The following RNF126 variants were observed in gnomAD, a reference collection of about 807,000 sequenced individuals.
RNF126 encodes ring finger protein 126, also known as E3 ubiquitin-protein ligase RNF126.
Under a neutral mutation model 41.9 loss-of-function variants are expected in RNF126, and 20 were observed. The ratio of observed to expected loss-of-function variants is 0.48; its 90% CI spans 0.34 to 0.69. RNF126 has a LOEUF of 0.69. Among genes scored for constraint, RNF126 ranks in the 30% least tolerant of loss-of-function variants. RNF126 has a pLI of 0.01. For missense variants in RNF126, 433 were observed against 460.6 expected (o/e 0.94, Z 0.55); for synonymous variants, 239 against 202.9 (o/e 1.18, Z -1.51).
At chr19:656,610 T>C (rs941800790) in intron 1 of RNF126, among the ~76,000 whole-genome samples, 5 of 151,944 alleles carry the variant, frequency 3.3e-5, no homozygotes, top group Non-Finnish European at 7.4e-5. Flanking sequence ...ATCATACCAC[T>C]GCACTCCAGC....
chr19:652,217 G>A lies in RNF126; in HGVS notation c.198+16C>T, dbSNP rs371379933. ...AGGCTGACACGATCGGGAAGCACGAGGGGCGGGCGACTCACCTCCAACGGT... is the reference window on the plus strand; with the variant it reads ...AGGCTGACACGATCGGGAAGCACGAAGGGCGGGCGACTCACCTCCAACGGT... On this transcript the variant is annotated intron_variant, in intron 3 of 8. Transcript: ENST00000292363. 2 of 1,516,196 alleles carry A rather than the reference G, an allele frequency of 1.3e-6. No homozygotes were observed. The highest frequency in any genetic ancestry group is 2.5e-5 in the East Asian group (1 of 40,340). 93.9% of individuals were successfully genotyped at this position (1,516,196 alleles called of 1,614,324 possible).
intron 1 of RNF126, among the ~76,000 whole-genome samples, chr19:655,480 C>T (rs762937715): frequency 4.6e-5 from 7 of 151,204 alleles, no homozygotes; most frequent in Non-Finnish European, 1.0e-4. Flanking sequence ...AGTGACACTC[C>T]ATCTCAAAAA....
chr19:649,084 G>A, intron 6 of RNF126, 109 bp from the exon 7 acceptor site: 1 of 505,026 alleles, frequency 2.0e-6, no homozygotes, highest in Non-Finnish European at 3.2e-6. Context: ...GTTTGTCCTG[G>A]GCCCTGGGCC....
At chr19:651,965 G>T in intron 3 of RNF126, 110 bp from the exon 4 acceptor site, 3 of 1,018,312 alleles carry the variant, frequency 2.9e-6, no homozygotes, top group South Asian at 1.6e-5. Flanking sequence ...GCTGGGTGCC[G>T]GGTGGGAGGG....
At chr19:656,637 G>C (rs754264696) in intron 1 of RNF126, among the ~76,000 whole-genome samples, 1 of 152,120 alleles carries the variant, frequency 6.6e-6, no homozygotes, top group Non-Finnish European at 1.5e-5. Context: ...CACAGAGTGA[G>C]ACCGTGTCAG....
At chr19:649,166 G>A (rs983455024) in intron 6 of RNF126, 191 bp from the exon 7 acceptor site, 13 of 353,274 alleles carry the variant, frequency 3.7e-5, no homozygotes, top group Non-Finnish European at 5.1e-5. Context: ...GTCCCCTGAC[G>A]GTGGAATGGG....
chr19:653,011 T>A (rs1007842400), intron 1 of RNF126, 127 bp from the exon 2 acceptor site: 1 of 884,614 alleles, frequency 1.1e-6, no homozygotes, highest in Non-Finnish European at 1.8e-6. Flanking sequence ...CAGGCCAGGG[T>A]GGCTCCCAAC....
rs1307377666 is a variant in RNF126, at chr19:648,814, CA to C, written c.670+67del. 4 of 945,888 alleles carry C rather than the reference CA, an allele frequency of 4.2e-6. No individual in the cohort carries two copies. In the East Asian group the frequency reaches 1.1e-4, roughly 25 times the overall value. The allele number at this position is 945,888 out of a possible 1,614,324, so 58.6% of individuals were successfully genotyped here. ...TGAAACCCTGTCTCTACTGAAAATA[CA>C]AGTATGAGCCAGGCGTGGCGGCGGG... On this transcript the variant is annotated intron_variant, in intron 7 of 8. Transcript: ENST00000292363.
intron 1 of RNF126, among the ~76,000 whole-genome samples, chr19:658,448 C>G (rs1431204681): frequency 6.6e-6 from 1 of 152,090 alleles, no homozygotes; most frequent in Non-Finnish European, 1.5e-5. Flanking sequence ...ATCAGGAGAC[C>G]CCAGGGAGAG....
chr19:657,411 G>A (rs1568194082), intron 1 of RNF126, among the ~76,000 whole-genome samples: 1 of 152,202 alleles, frequency 6.6e-6, no homozygotes, highest in Non-Finnish European at 1.5e-5. Flanking sequence ...GCCCGACCTG[G>A]CCACATACAC....
At chr19:653,042 C>T (rs1433112163) in intron 1 of RNF126, among the ~76,000 whole-genome samples, 158 bp from the exon 2 acceptor site, 1 of 152,174 alleles carries the variant, frequency 6.6e-6, no homozygotes, top group Non-Finnish European at 1.5e-5. Context: ...TGGAGGGCGG[C>T]CGAGGGGACC....
intron 1 of RNF126, among the ~76,000 whole-genome samples, chr19:662,691 C>G (rs894144609): frequency 6.6e-6 from 1 of 152,112 alleles, no homozygotes; most frequent in African/African-American, 2.4e-5. Flanking sequence ...TCAGTTTCTC[C>G]GTTTGCAAAA....
intron 3 of RNF126, 108 bp downstream of exon 3, chr19:652,125 C>A: frequency 1.0e-6 from 1 of 997,396 alleles, no homozygotes; most frequent in Non-Finnish European, 1.4e-6. Flanking sequence ...AAAATTTCCT[C>A]CGCCGTGCGG....
In RNF126 at chr19:652,738, G is replaced by C. The variant is rs1034931531; in HGVS notation, c.134+88C>G. 48 of 1,245,502 alleles carry C rather than the reference G, an allele frequency of 3.9e-5. No individual in the cohort carries two copies. The African/African-American group carries it at 5.2e-4, about 13-fold the overall frequency. The allele number at this position is 1,245,502 out of a possible 1,614,324, so 77.2% of individuals were successfully genotyped here. On this transcript the variant is annotated intron_variant, in intron 2 of 8. Coordinates refer to ENST00000292363, the MANE Select transcript of RNF126 (RefSeq NM_194460.3). ...CCAGGGCCTGACGGCCCCACACTCG[G>C]CGGGGCGGACGCCAGCACAGCCCAC...
At chr19:650,775 T>C (rs530802486) in intron 4 of RNF126, among the ~76,000 whole-genome samples, 6 of 152,164 alleles carry the variant, frequency 3.9e-5, no homozygotes, top group Admixed American at 3.9e-4. Flanking sequence ...GTATTCTTAG[T>C]AGAGACGGAG....
chr19:651,896 C>G, intron 3 of RNF126, 41 bp from the exon 4 acceptor site: 1 of 1,568,492 alleles, frequency 6.4e-7, no homozygotes, highest in Non-Finnish European at 8.6e-7. Flanking sequence ...GGCTCAGGCC[C>G]GTGCAGTCTG....
chr19:651,610 C>T lies in RNF126; in HGVS notation c.443+1G>A. 1 of 1,429,274 alleles carries T rather than the reference C, an allele frequency of 7.0e-7. No homozygotes were observed. The highest frequency in any genetic ancestry group is 9.1e-7 in the Non-Finnish European group (1 of 1,095,824). 88.5% of individuals were successfully genotyped at this position (1,429,274 alleles called of 1,614,324 possible). A position where few individuals can be genotyped will look rare whatever the true frequency, so the allele number is the denominator to read the frequency against. ...CGCGGCCACCCCCGGGGCCCCCTCACCCTTCCAGCGTGGGGACGCCTTCGT... is the reference window on the plus strand; with the variant it reads ...CGCGGCCACCCCCGGGGCCCCCTCATCCTTCCAGCGTGGGGACGCCTTCGT... On this transcript the variant is annotated splice_donor_variant, in intron 4 of 8. Coordinates refer to ENST00000292363, the MANE Select transcript of RNF126 (RefSeq NM_194460.3). LOFTEE classifies it high-confidence loss of function.
chr19:657,556 C>CG (rs1392370527), intron 1 of RNF126, among the ~76,000 whole-genome samples: 2 of 152,226 alleles, frequency 1.3e-5, no homozygotes, highest in Non-Finnish European at 2.9e-5. Context: ...CTGTGCACGT[C>CG]GGCCCTGCTG....
rs1234607160 is a variant in RNF126, at chr19:659,120, G to A, written c.75+3927C>T. Among the ~76,000 whole-genome samples, 4 of 152,166 alleles carry A rather than the reference G, an allele frequency of 2.6e-5. No homozygotes were observed. The highest frequency in any genetic ancestry group is 7.2e-5 in the African/African-American group (3 of 41,422). ...AGCCGCTCCAGGGTGCTGGCCGGAC[G>A]CTTGAGAGGCAGGGGCAGGCTGTCA... On this transcript the variant is annotated intron_variant, in intron 1 of 8. Coordinates refer to ENST00000292363, the MANE Select transcript of RNF126 (RefSeq NM_194460.3). The surrounding 1 kb of genome is among the most constrained non-coding windows in gnomAD (Gnocchi z 4.9).
Sources: allele counts gnomAD v4.1 joint callset (sites outside exome capture counted in the v4.1 genomes callset), GRCh38; gene constraint gnomAD v4.1.1; non-coding constraint Gnocchi (gnomAD v3.1); transcripts MANE v1.5; gene names NCBI Gene and HGNC (gene_info 2026-07-23, HGNC 2026-07-21).